The following BTBD9 variants were observed in gnomAD, a reference collection of about 807,000 sequenced individuals.
The protein encoded by BTBD9 is BTB/POZ domain-containing protein 9.
In BTBD9, 49 loss-of-function variants were observed where a neutral mutation model predicts 64.3. The ratio of observed to expected loss-of-function variants is 0.76; its 90% CI spans 0.61 to 0.97. BTBD9 has a LOEUF of 0.97. Ranked by LOEUF, BTBD9 falls within the 50% of genes least tolerant of loss-of-function variation. The pLI is 0.00. For synonymous variants in BTBD9, 260 were observed against 274.7 expected, an observed-to-expected ratio of 0.95 and a Z score of 0.53; for missense variants, 598 against 762.1, an observed-to-expected ratio of 0.78 and a Z score of 2.53.
At chr6:38,196,986 ATCTT>A (rs1299682357) in intron 9 of BTBD9, among the ~76,000 whole-genome samples, 5 of 152,248 alleles carry the variant, frequency 3.3e-5, no homozygotes, top group Admixed American at 2.0e-4. Context: ...ATTTAAAACA[ATCTT>A]TCTAAAGCTG....
At chr6:38,279,891 G>T (rs1761444430) in intron 8 of BTBD9, among the ~76,000 whole-genome samples, 1 of 152,172 alleles carries the variant, frequency 6.6e-6, no homozygotes, top group Admixed American at 6.5e-5. Context: ...AAGCTAAAAG[G>T]ATTCTTTTCA....
At chr6:38,200,559 A>C (rs140337393) in intron 9 of BTBD9, among the ~76,000 whole-genome samples, 163 of 152,302 alleles carry the variant, frequency 1.1e-3, no homozygotes, top group Non-Finnish European at 1.8e-3. Context: ...CAAATTAACA[A>C]AATTAGAAGT....
chr6:38,539,052 G>A (rs200139838), intron 6 of BTBD9, among the ~76,000 whole-genome samples: 3 of 151,872 alleles, frequency 2.0e-5, no homozygotes, highest in South Asian at 4.2e-4. Flanking sequence ...GTGATTCACC[G>A]ACCTCAGCCT....
chr6:38,249,052 C>G (rs1253725368), intron 9 of BTBD9, among the ~76,000 whole-genome samples: 2 of 152,140 alleles, frequency 1.3e-5, no homozygotes, highest in Non-Finnish European at 2.9e-5. Flanking sequence ...ATGAGTCAGA[C>G]TGACATCAGA....
At chr6:38,305,905 T>C (rs1762608311) in intron 7 of BTBD9, among the ~76,000 whole-genome samples, 1 of 152,220 alleles carries the variant, frequency 6.6e-6, no homozygotes, top group Non-Finnish European at 1.5e-5. Flanking sequence ...CTAATATACA[T>C]AGGCCAAATC....
chr6:38,598,171 T>C (rs1334623787), intron 1 of BTBD9, 50 bp from the exon 2 acceptor site: 30 of 1,393,030 alleles, frequency 2.2e-5, no homozygotes, highest in African/African-American at 5.8e-5. Flanking sequence ...GGAGTACACA[T>C]AGAAAATCAC....
At chr6:38,345,806 G>A (rs1764256598) in intron 6 of BTBD9, among the ~76,000 whole-genome samples, 1 of 152,324 alleles carries the variant, frequency 6.6e-6, no homozygotes, top group East Asian at 1.9e-4. Context: ...CAGCCCTTGA[G>A]CATCTTGGCC....
chr6:38,462,486 T>TA (rs1770143020), intron 6 of BTBD9, among the ~76,000 whole-genome samples: 1 of 152,248 alleles, frequency 6.6e-6, no homozygotes, highest in African/African-American at 2.4e-5. Flanking sequence ...CTAGGTTCTC[T>TA]ATTCTGTTCC....
intron 6 of BTBD9, among the ~76,000 whole-genome samples, chr6:38,417,080 C>T (rs1255022906): frequency 6.6e-6 from 1 of 152,206 alleles, no homozygotes; most frequent in Admixed American, 6.5e-5. Context: ...GCTAGGACTA[C>T]AGGCACATGC....
At chr6:38,472,721 G>A (rs1770704875) in intron 6 of BTBD9, among the ~76,000 whole-genome samples, 3 of 152,186 alleles carry the variant, frequency 2.0e-5, no homozygotes, top group African/African-American at 7.2e-5. Flanking sequence ...CTAAAAATAC[G>A]CTAGGCCTGC....
chr6:38,563,183 A>G (rs1307911529), intron 6 of BTBD9, among the ~76,000 whole-genome samples: 1 of 152,034 alleles, frequency 6.6e-6, no homozygotes, highest in Non-Finnish European at 1.5e-5. Flanking sequence ...TTTCCTCTAC[A>G]CTTTACTACA....
chr6:38,356,168 A>G (rs1477704870), intron 6 of BTBD9, among the ~76,000 whole-genome samples: 3 of 152,108 alleles, frequency 2.0e-5, no homozygotes, highest in Non-Finnish European at 2.9e-5. Context: ...CTGAAATTTC[A>G]TGACAATGAT....
intron 6 of BTBD9, among the ~76,000 whole-genome samples, chr6:38,476,726 TAA>T (rs1283788671): frequency 1.3e-5 from 2 of 152,236 alleles, no homozygotes; most frequent in Non-Finnish European, 2.9e-5. Context: ...AAAAAGATAA[TAA>T]GTGTCAAACC....
chr6:38,195,839 T>C (rs1391714061), intron 9 of BTBD9, among the ~76,000 whole-genome samples: 2 of 152,270 alleles, frequency 1.3e-5, no homozygotes, highest in South Asian at 2.1e-4. Context: ...TAGATGTCTA[T>C]AAGAATGTTT....
Position 38,621,653 on chromosome 6 carries a change from A to G in BTBD9, c.-28+18147T>C, listed in dbSNP as rs1777987440. Among the ~76,000 whole-genome samples, 2 of 152,242 alleles carry G rather than the reference A, an allele frequency of 1.3e-5. 1 individual carries two copies. Among genetic ancestry groups the G allele is most frequent in the Admixed American group, 1.3e-4 (2 of 15,286 alleles). ...TACGCTTATCTAATCCTACATGCCC[A>G]TGCTGCAATATGGAAAGAAAGGGAG... is the stretch of plus-strand genomic sequence containing the variant. On this transcript the variant is annotated intron_variant, in intron 1 of 10. Transcript: ENST00000481247.
intron 6 of BTBD9, among the ~76,000 whole-genome samples, chr6:38,372,850 CATGTAT>C (rs1215815804): frequency 1.3e-5 from 2 of 152,194 alleles, no homozygotes; most frequent in Non-Finnish European, 2.9e-5. Flanking sequence ...GTGCCATGAA[CATGTAT>C]AGCAAAGGTC....
intron 3 of BTBD9, 125 bp from the exon 4 acceptor site, chr6:38,592,965 T>C (rs959928854): frequency 3.1e-6 from 3 of 962,504 alleles, no homozygotes; most frequent in Non-Finnish European, 3.0e-6. Flanking sequence ...CTCCTTCCCT[T>C]ATGCTTTGTG....
At chr6:38,564,231 C>CT (rs1432086617) in intron 6 of BTBD9, among the ~76,000 whole-genome samples, 1 of 152,142 alleles carries the variant, frequency 6.6e-6, no homozygotes, top group African/African-American at 2.4e-5. Flanking sequence ...AGCTTTCTTT[C>CT]TTTACTTGTC....
chr6:38,377,652 T>G (rs1384930491), intron 6 of BTBD9, among the ~76,000 whole-genome samples: 2 of 152,158 alleles, frequency 1.3e-5, no homozygotes, highest in Non-Finnish European at 2.9e-5. Context: ...TCACTCACTT[T>G]AATAACTCTG....
Sources: allele counts gnomAD v4.1 joint callset (sites outside exome capture counted in the v4.1 genomes callset), GRCh38; gene constraint gnomAD v4.1.1; transcripts MANE v1.5; gene names NCBI Gene and HGNC (gene_info 2026-07-23, HGNC 2026-07-21).